NUP85: variants seen among roughly 807,000 people sequenced by gnomAD.
The protein encoded by NUP85 is nuclear pore complex protein Nup85.
Under a neutral mutation model 92.8 loss-of-function variants are expected in NUP85, and 23 were observed. The ratio of observed to expected loss-of-function variants is 0.25; its 90% CI spans 0.18 to 0.35. The LOEUF (loss-of-function observed/expected upper bound fraction) is 0.35, where lower values mean the gene tolerates loss of function less well. NUP85 is among the 10% of genes least tolerant of loss of function. NUP85 has a pLI of 1.00. For synonymous variants in NUP85, 314 were observed against 306.9 expected (o/e 1.02, Z -0.24); for missense variants, 759 against 822.8 (o/e 0.92, Z 0.95).
At chr17:75,210,040 T>C (rs1369461678) in intron 3 of NUP85, 55 bp downstream of exon 3, 12 of 1,521,568 alleles carry the variant, frequency 7.9e-6, no homozygotes, top group Non-Finnish European at 9.8e-6. Flanking sequence ...GAAAGCCAAA[T>C]GAAGTACATT....
intron 18 of NUP85, 108 bp from the exon 19 acceptor site, chr17:75,235,470 C>A: frequency 1.4e-6 from 1 of 738,668 alleles, no homozygotes; most frequent in Non-Finnish European, 2.3e-6. Context: ...TTGCTGGAAG[C>A]TACTATGAAT....
At chr17:75,233,398 TC>T in intron 16 of NUP85, among the ~76,000 whole-genome samples, 1 of 145,506 alleles carries the variant, frequency 6.9e-6, no homozygotes, top group Non-Finnish European at 1.5e-5. Flanking sequence ...TTTCTCTTTC[TC>T]TTTCTCTTTC....
chr17:75,207,330 T>C (rs763570328), intron 1 of NUP85, among the ~76,000 whole-genome samples: 8 of 151,832 alleles, frequency 5.3e-5, no homozygotes, highest in African/African-American at 1.5e-4. Context: ...ATTGCAGGCA[T>C]GTGCCACCAT....
intron 11 of NUP85, among the ~76,000 whole-genome samples, chr17:75,230,319 G>A (rs1188401699): frequency 6.6e-6 from 1 of 150,938 alleles, no homozygotes; most frequent in Non-Finnish European, 1.5e-5. Flanking sequence ...GGGATTACAG[G>A]AATGAGCCAC....
At chr17:75,212,281 T>G (rs2075299302) in intron 4 of NUP85, among the ~76,000 whole-genome samples, 1 of 96,676 alleles carries the variant, frequency 1.0e-5, no homozygotes, top group African/African-American at 4.1e-5. Flanking sequence ...TTTTTTTTTT[T>G]TTTTTGAGAC....
chr17:75,219,577 C>G (rs1427147854), intron 7 of NUP85, among the ~76,000 whole-genome samples: 1 of 152,190 alleles, frequency 6.6e-6, no homozygotes, highest in Non-Finnish European at 1.5e-5. Context: ...CCTGGTCATT[C>G]ACTGAGTATT....
chr17:75,232,142 T>C, intron 14 of NUP85, 163 bp downstream of exon 14: 1 of 707,690 alleles, frequency 1.4e-6, no homozygotes, highest in African/African-American at 1.8e-5. Flanking sequence ...GGATAATTAC[T>C]TGGGAGGGAC....
chr17:75,209,431 A>G (rs1465777353), intron 2 of NUP85, among the ~76,000 whole-genome samples: 1 of 146,512 alleles, frequency 6.8e-6, no homozygotes, highest in Non-Finnish European at 1.5e-5. Flanking sequence ...GAATCTTGAC[A>G]TTTGATTTGC....
intron 11 of NUP85, chr17:75,228,672 T>C (rs922161361): frequency 1.0e-6 from 1 of 985,326 alleles, no homozygotes; most frequent in African/African-American, 1.7e-5. Flanking sequence ...CAGTGAGCTG[T>C]TGGCATGCCT....
At position 75,212,037 on chromosome 17, in the gene NUP85, T is replaced by C; in HGVS notation, c.336T>C (p.Cys112=). ...SKNYRSVIRA[C]MEEMHQVAIA... is the part of the protein sequence containing the mutation. ...ACTACCGATCAGTCATCAGAGCATG[T>C]ATGGAGGAAATGCACCAGGTTGCAA... Residue 112 remains cysteine (C), a synonymous_variant, in exon 4 of 19, where the codon TGT becomes TGC. Coordinates refer to ENST00000245544, the MANE Select transcript of NUP85 (RefSeq NM_024844.5). 6.2e-7 allele frequency: 1 copy of C among 1,613,642 alleles called. No homozygotes were observed. Among genetic ancestry groups the C allele is most frequent in the East Asian group, 2.2e-5 (1 of 44,876 alleles).
In NUP85 at chr17:75,233,877, C is replaced by A. The variant is rs543613565; in HGVS notation, c.1615+719C>A. On this transcript the variant is annotated intron_variant, in intron 16 of 18. Coordinates refer to ENST00000245544, the MANE Select transcript of NUP85 (RefSeq NM_024844.5). ...CCTCCCAAAGTGCTGGGATTACAGGCGTGAGCCACTGCGCCCCGCCTAATT... is the reference window on the plus strand; with the variant it reads ...CCTCCCAAAGTGCTGGGATTACAGGAGTGAGCCACTGCGCCCCGCCTAATT... Among the ~76,000 whole-genome samples, 11 of 151,270 alleles carry A rather than the reference C, an allele frequency of 7.3e-5. No individual in the cohort carries two copies. In the South Asian group the frequency reaches 2.3e-3, roughly 32 times the overall value.
At chr17:75,234,869 T>C (rs748599990) in intron 17 of NUP85, 81 bp downstream of exon 17, 78 of 1,540,436 alleles carry the variant, frequency 5.1e-5, no homozygotes, top group Middle Eastern at 1.7e-4. Context: ...CCGATGTGCG[T>C]GTTTCCTCCT....
chr17:75,222,053 GTTTGTTTGT>G (rs2075612299), intron 7 of NUP85, among the ~76,000 whole-genome samples: 1 of 151,952 alleles, frequency 6.6e-6, no homozygotes, highest in East Asian at 1.9e-4. Context: ...TTGTTTGTTT[GTTTGTTTGT>G]TTTGAGACAA....
intron 11 of NUP85, among the ~76,000 whole-genome samples, chr17:75,227,544 C>G (rs2075865472): frequency 6.6e-6 from 1 of 151,960 alleles, no homozygotes. Context: ...ACCATGTTGC[C>G]TAGGCAGGCT....
chr17:75,216,115 A>G (rs1485404961), intron 6 of NUP85, among the ~76,000 whole-genome samples: 1 of 152,180 alleles, frequency 6.6e-6, no homozygotes, highest in Non-Finnish European at 1.5e-5. Context: ...GGACTGGCCA[A>G]GCTTAAGAAA....
At chr17:75,207,055 A>G (rs2075106816) in intron 1 of NUP85, among the ~76,000 whole-genome samples, 1 of 152,060 alleles carries the variant, frequency 6.6e-6, no homozygotes, top group Non-Finnish European at 1.5e-5. Flanking sequence ...TGACATTGTC[A>G]GAATCAACAG....
At chr17:75,234,518 G>C (rs969244269) in intron 16 of NUP85, 119 bp from the exon 17 acceptor site, 2 of 921,694 alleles carry the variant, frequency 2.2e-6, no homozygotes. Context: ...CTCCTGCTTT[G>C]TGGAGTGGCT....
chr17:75,218,323 C>T lies in NUP85; in HGVS notation c.597+17C>T. On this transcript the variant is annotated intron_variant, in intron 7 of 18. Coordinates refer to ENST00000245544, the MANE Select transcript of NUP85 (RefSeq NM_024844.5). ...TGGAACTTGGTAAGACAGGCCGGGCCCCCACCTCCCACCATGTGTCCTACT... is the reference window on the plus strand; with the variant it reads ...TGGAACTTGGTAAGACAGGCCGGGCTCCCACCTCCCACCATGTGTCCTACT... The T allele has an allele frequency of 1.9e-6, 3 of 1,611,856 alleles. No individual in the cohort carries two copies. Among genetic ancestry groups the T allele is most frequent in the South Asian group, 2.2e-5 (2 of 91,008 alleles).
chr17:75,210,136 A>C, intron 3 of NUP85, 151 bp downstream of exon 3: 2 of 637,792 alleles, frequency 3.1e-6, no homozygotes, highest in South Asian at 5.0e-5. Flanking sequence ...GACAGTGTAC[A>C]TTAGCAGTGA....
Sources: gnomAD v4.1 joint callset for allele counts (sites outside exome capture counted in the v4.1 genomes callset) on GRCh38, gnomAD v4.1.1 for gene constraint, MANE v1.5 for transcripts, NCBI Gene and HGNC (gene_info 2026-07-23, HGNC 2026-07-21) for gene names.